TTC28: variants seen among roughly 807,000 people sequenced by gnomAD.
The protein encoded by TTC28 is tetratricopeptide repeat domain 28.
In TTC28, 61 loss-of-function variants were observed where a neutral mutation model predicts 198.0. That is an observed-to-expected ratio of 0.31 (90% CI 0.25 to 0.38). TTC28 has a LOEUF of 0.38. Among genes scored for constraint, TTC28 ranks in the 10% least tolerant of loss-of-function variants. TTC28 has a pLI of 1.00. For missense variants in TTC28, 2,678 were observed against 3,164.0 expected (o/e 0.85, Z 3.69); for synonymous variants, 1,171 against 1,297.8 (o/e 0.90, Z 2.10).
chr22:28,468,017 T>C (rs2048047430), intron 2 of TTC28, among the ~76,000 whole-genome samples: 1 of 152,110 alleles, frequency 6.6e-6, no homozygotes, highest in Non-Finnish European at 1.5e-5. Flanking sequence ...GCGATCTGCC[T>C]GCCTCAGTCT....
chr22:28,211,779 A>G (rs1023161203), intron 5 of TTC28, among the ~76,000 whole-genome samples: 1 of 152,130 alleles, frequency 6.6e-6, no homozygotes, highest in Admixed American at 6.5e-5. Context: ...GACCAAGCAG[A>G]CCTAATAGAC....
chr22:28,564,836 A>T (rs949644286), intron 2 of TTC28, among the ~76,000 whole-genome samples: 4 of 147,750 alleles, frequency 2.7e-5, no homozygotes, highest in African/African-American at 7.4e-5. Context: ...ATAATTTATA[A>T]TTTTTTATAT....
intron 2 of TTC28, among the ~76,000 whole-genome samples, chr22:28,591,505 C>CTTA (rs1222857983): frequency 6.6e-6 from 1 of 152,070 alleles, no homozygotes; most frequent in Non-Finnish European, 1.5e-5. Flanking sequence ...AGTTAAATGA[C>CTTA]TTTCCTAAGT....
intron 2 of TTC28, among the ~76,000 whole-genome samples, chr22:28,352,468 C>T (rs1166572580): frequency 1.3e-5 from 2 of 151,974 alleles, no homozygotes; most frequent in African/African-American, 2.4e-5. Flanking sequence ...GGCTACATTT[C>T]GGAGCTCATG....
At chr22:28,534,592 T>G (rs558644573) in intron 2 of TTC28, among the ~76,000 whole-genome samples, 168 of 152,354 alleles carry the variant, frequency 1.1e-3, no homozygotes, top group African/African-American at 3.8e-3. Context: ...TAAATCATGC[T>G]GCTATAATGA....
chr22:28,030,165 A>T, intron 13 of TTC28, 61 bp downstream of exon 13: 1 of 1,535,678 alleles, frequency 6.5e-7, no homozygotes, highest in Non-Finnish European at 8.8e-7. Flanking sequence ...CTGAAAGCAT[A>T]TTATCTGTGC....
At chr22:28,262,450 CA>C (rs1271419114) in intron 5 of TTC28, among the ~76,000 whole-genome samples, 3 of 152,106 alleles carry the variant, frequency 2.0e-5, no homozygotes, top group Non-Finnish European at 4.4e-5. Flanking sequence ...TCTTTTAAAG[CA>C]ATATATTCAT....
intron 1 of TTC28, among the ~76,000 whole-genome samples, chr22:28,639,060 A>G (rs958772348): frequency 2.0e-5 from 3 of 152,250 alleles, no homozygotes; most frequent in African/African-American, 7.2e-5. Flanking sequence ...ACTTCTGGTA[A>G]TTTATCTTAT....
chr22:28,252,793 A>G (rs554977608), intron 5 of TTC28, among the ~76,000 whole-genome samples: 2 of 152,326 alleles, frequency 1.3e-5, no homozygotes, highest in African/African-American at 4.8e-5. Flanking sequence ...GAGAGTTATT[A>G]ATTACATGGT....
At chr22:28,293,473 G>A (rs2044826049) in intron 5 of TTC28, among the ~76,000 whole-genome samples, 2 of 152,180 alleles carry the variant, frequency 1.3e-5, no homozygotes, top group Admixed American at 6.5e-5. Flanking sequence ...AGTGGGTTGA[G>A]GGAGAGGAAT....
chr22:28,001,561 G>A lies in TTC28; in HGVS notation c.4219-8C>T, dbSNP rs760275367. Reference sequence around the variant, plus strand: ...GCTGGAGTGCATCAGGCCCTATGGAGCAAGCACGGAGAGGCTGACATGGGT... The same window carrying A: ...GCTGGAGTGCATCAGGCCCTATGGAACAAGCACGGAGAGGCTGACATGGGT... On this transcript the variant is annotated splice_region_variant and splice_polypyrimidine_tract_variant and intron_variant, in intron 14 of 22. Transcript: ENST00000397906. 18 of 1,546,794 alleles carry A rather than the reference G, an allele frequency of 1.2e-5. No individual in the cohort carries two copies. Among genetic ancestry groups the A allele is most frequent in the Non-Finnish European group, 1.6e-5 (18 of 1,143,854 alleles).
intron 5 of TTC28, among the ~76,000 whole-genome samples, chr22:28,226,555 T>C (rs990340960): frequency 6.6e-6 from 1 of 152,036 alleles, no homozygotes; most frequent in Non-Finnish European, 1.5e-5. Context: ...GCCTTCCGAG[T>C]AGCTGGGACT....
At chr22:28,096,908 G>T (rs995479787) in intron 10 of TTC28, among the ~76,000 whole-genome samples, 1 of 151,776 alleles carries the variant, frequency 6.6e-6, no homozygotes, top group Non-Finnish European at 1.5e-5. Flanking sequence ...GGGTTCAAGC[G>T]ATTCTCCTGC....
chr22:28,169,118 A>G (rs952917240), intron 5 of TTC28, among the ~76,000 whole-genome samples: 1 of 152,238 alleles, frequency 6.6e-6, no homozygotes, highest in African/African-American at 2.4e-5. Context: ...CAAAACCACA[A>G]TGATACACCA....
intron 5 of TTC28, among the ~76,000 whole-genome samples, chr22:28,211,226 A>G (rs1926923642): frequency 6.6e-6 from 1 of 152,180 alleles, no homozygotes; most frequent in Non-Finnish European, 1.5e-5. Context: ...TGCATCAACT[A>G]ACGAGCAAAA....
chr22:28,171,356 A>C (rs949494437), intron 5 of TTC28, among the ~76,000 whole-genome samples: 1 of 152,180 alleles, frequency 6.6e-6, no homozygotes, highest in Non-Finnish European at 1.5e-5. Flanking sequence ...TGCCAGAACA[A>C]AGGGTGTACT....
chr22:28,356,143 GTTCT>G (rs1262117920), intron 2 of TTC28, among the ~76,000 whole-genome samples: 4 of 152,088 alleles, frequency 2.6e-5, no homozygotes, highest in African/African-American at 7.2e-5. Flanking sequence ...AACATGTTCT[GTTCT>G]TTCTAAGAAA....
chr22:28,211,197 A>G (rs987117523), intron 5 of TTC28, among the ~76,000 whole-genome samples: 1 of 152,198 alleles, frequency 6.6e-6, no homozygotes, highest in Non-Finnish European at 1.5e-5. Flanking sequence ...TGTAAAGACC[A>G]TTGATGCTAG....
intron 12 of TTC28, among the ~76,000 whole-genome samples, chr22:28,065,372 G>A (rs188967929): frequency 1.4e-3 from 216 of 152,278 alleles, no homozygotes; most frequent in Middle Eastern, 3.4e-3. Flanking sequence ...CTGACTTAGC[G>A]TATGCTTCGA....
Sources: allele counts gnomAD v4.1 joint callset (sites outside exome capture counted in the v4.1 genomes callset), GRCh38; gene constraint gnomAD v4.1.1; transcripts MANE v1.5; gene names NCBI Gene and HGNC (gene_info 2026-07-23, HGNC 2026-07-21).